TSPEAR: variants seen among roughly 807,000 people sequenced by gnomAD.
The protein encoded by TSPEAR is thrombospondin-type laminin G domain and EAR repeat-containing protein.
TSPEAR carries 69 observed loss-of-function variants against 71.6 expected under a neutral mutation model. The ratio of observed to expected loss-of-function variants is 0.96; its 90% CI spans 0.79 to 1.18. TSPEAR has a LOEUF of 1.18. TSPEAR is among the 50% of genes most tolerant of loss of function. The pLI is 0.00. For synonymous variants in TSPEAR, 402 were observed against 387.2 expected, an observed-to-expected ratio of 1.04 and a Z score of -0.45; for missense variants, 971 against 894.9, an observed-to-expected ratio of 1.09 and a Z score of -1.09.
rs139455627 is a variant in TSPEAR, at chr21:44,531,087, G to A, written c.589C>T (p.Arg197Ter). The A allele has an allele frequency of 5.7e-4, 912 of 1,613,608 alleles. 1 individual carries two copies. Among genetic ancestry groups the A allele is most frequent in the Non-Finnish European group, 7.3e-4 (865 of 1,179,964 alleles). The part of the protein sequence containing the change: ...FPATLSVKGA[R>*]FFVGSRRRAK... ...CTCCTCCGGCTGCCGACGAAGAATC[G>A]AGCTCCTTTCACTGACAGGGTGGCT... The change falls in exon 4 of 12, where the codon CGA (arginine) becomes TGA (stop). Residue 197 changes from arginine (R) to a stop codon, truncating the protein, a stop_gained. Transcript: ENST00000323084. LOFTEE classifies it high-confidence loss of function.
chr21:44,531,346 G>A (rs1555915750), intron 3 of TSPEAR, among the ~76,000 whole-genome samples: 1 of 152,206 alleles, frequency 6.6e-6, no homozygotes, highest in African/African-American at 2.4e-5. Context: ...GGCTCCAGAG[G>A]AGGACGCTTC....
At chr21:44,587,318 A>G (rs782536175) in intron 1 of TSPEAR, among the ~76,000 whole-genome samples, 1 of 152,252 alleles carries the variant, frequency 6.6e-6, no homozygotes, top group Non-Finnish European at 1.5e-5. Flanking sequence ...ATACTCAGGA[A>G]TATACCTACC....
intron 1 of TSPEAR, among the ~76,000 whole-genome samples, chr21:44,632,397 ATTCT>A (rs1451106243): frequency 3.3e-5 from 5 of 152,224 alleles, no homozygotes; most frequent in Admixed American, 3.3e-4. Flanking sequence ...CAATGAAATG[ATTCT>A]TTGAAACTAA....
At chr21:44,686,992 C>A (rs1344232922) in intron 1 of TSPEAR, among the ~76,000 whole-genome samples, 1 of 152,164 alleles carries the variant, frequency 6.6e-6, no homozygotes, top group Non-Finnish European at 1.5e-5. Flanking sequence ...AAAGCTGTGG[C>A]TGAAGCTGCT....
chr21:44,620,946 TTA>T (rs1555933398), intron 1 of TSPEAR, among the ~76,000 whole-genome samples: 8 of 152,260 alleles, frequency 5.3e-5, no homozygotes, highest in Non-Finnish European at 1.0e-4. Flanking sequence ...TGCTATTAGG[TTA>T]CACATATTTG....
At chr21:44,573,739 C>G (rs782550283) in intron 1 of TSPEAR, 2 of 1,607,430 alleles carry the variant, frequency 1.2e-6, no homozygotes, top group African/African-American at 1.3e-5. Context: ...AGCTCAACCC[C>G]CAGCACAGCA....
At chr21:44,690,421 C>T in intron 1 of TSPEAR, 1 of 349,990 alleles carries the variant, frequency 2.9e-6, no homozygotes, top group Non-Finnish European at 4.0e-6. Flanking sequence ...TCAAAGATAA[C>T]AAGTGGTTCC....
rs1305317200 is a variant in TSPEAR at position 44,623,472 on chromosome 21, ATACAG to A, written c.83-55472_83-55468del. Among the ~76,000 whole-genome samples the A allele has an allele frequency of 1.3e-5, 2 of 152,236 alleles. No homozygotes were observed. The highest frequency in any genetic ancestry group is 4.8e-5 in the African/African-American group (2 of 41,462). On this transcript the variant is annotated intron_variant, in intron 1 of 11. Coordinates refer to ENST00000323084, the MANE Select transcript of TSPEAR (RefSeq NM_144991.3). The surrounding 1 kb of genome is among the most constrained non-coding windows in gnomAD (Gnocchi z 4.5). ...TATTTTACAACTTCTAAGACATCTT[ATACAG>A]TAAATATTCATTTAGATTTCCCCAT... is the stretch of plus-strand genomic sequence containing the variant.
chr21:44,601,907 C>T (rs1555928951), intron 1 of TSPEAR: 3 of 952,380 alleles, frequency 3.1e-6, no homozygotes, highest in African/African-American at 3.3e-5. Context: ...GCTGTTTCTC[C>T]AAGTCTTGAC....
chr21:44,527,241 G>C (rs369874992), intron 7 of TSPEAR, 51 bp downstream of exon 7: 1 of 1,602,050 alleles, frequency 6.2e-7, no homozygotes. Flanking sequence ...CTGTGGACTC[G>C]GGGCTTTCCA....
intron 10 of TSPEAR, among the ~76,000 whole-genome samples, chr21:44,507,644 T>G (rs2052234648): frequency 6.6e-6 from 1 of 152,264 alleles, no homozygotes; most frequent in African/African-American, 2.4e-5. Context: ...TCCCGCAGCT[T>G]TCAAATCCCG....
intron 1 of TSPEAR, chr21:44,591,830 A>C (rs2146124653): frequency 6.3e-7 from 1 of 1,598,464 alleles, no homozygotes; most frequent in East Asian, 2.3e-5. Flanking sequence ...GAGGAGGTGC[A>C]GCAAGTTGGC....
intron 1 of TSPEAR, among the ~76,000 whole-genome samples, chr21:44,615,155 C>T (rs995067284): frequency 1.3e-5 from 2 of 152,224 alleles, no homozygotes; most frequent in Non-Finnish European, 2.9e-5. Flanking sequence ...AAATCTCCGG[C>T]GCATGTACGT....
At position 44,580,041 on chromosome 21, in the gene TSPEAR, G is replaced by C. The variant is rs200308208; in HGVS notation, c.83-12036C>G. On this transcript the variant is annotated intron_variant, in intron 1 of 11. Coordinates refer to ENST00000323084, the MANE Select transcript of TSPEAR (RefSeq NM_144991.3). ...CAGCAGATGGGTTTGCAGCAGACAG[G>C]CTTGCAACAGACAGGCACGTAGCAG... 138 of 1,594,452 alleles carry C rather than the reference G, an allele frequency of 8.7e-5. No homozygotes were observed. The African/African-American group carries it at 1.3e-3, about 15-fold the overall frequency.
chr21:44,597,487 C>T (rs1275359162), intron 1 of TSPEAR, among the ~76,000 whole-genome samples: 1 of 149,250 alleles, frequency 6.7e-6, no homozygotes, highest in Non-Finnish European at 1.5e-5. Flanking sequence ...GGCTGGAGGG[C>T]AGTGGTGCGA....
At chr21:44,685,627 G>A (rs527972456) in intron 1 of TSPEAR, among the ~76,000 whole-genome samples, 4 of 152,292 alleles carry the variant, frequency 2.6e-5, no homozygotes, top group South Asian at 2.1e-4. Context: ...GTGGTCACAC[G>A]CCTGAGCCAT....
intron 8 of TSPEAR, among the ~76,000 whole-genome samples, chr21:44,525,012 C>G (rs944851613): frequency 2.0e-5 from 3 of 151,354 alleles, no homozygotes; most frequent in Non-Finnish European, 4.4e-5. Context: ...GCCAGCCAGC[C>G]AGTCAGATAG....
At chr21:44,675,367 A>C (rs782211160) in intron 1 of TSPEAR, among the ~76,000 whole-genome samples, 1 of 152,232 alleles carries the variant, frequency 6.6e-6, no homozygotes, top group African/African-American at 2.4e-5. Flanking sequence ...ATTTGACAAA[A>C]TTCAATATCC....
intron 1 of TSPEAR, chr21:44,580,649 G>A: frequency 6.8e-7 from 1 of 1,477,988 alleles, no homozygotes; most frequent in Non-Finnish European, 9.2e-7. Context: ...GTGAGTGAAG[G>A]AGGGAGTGAG....
Sources: gnomAD v4.1 joint callset for allele counts (sites outside exome capture counted in the v4.1 genomes callset) on GRCh38, gnomAD v4.1.1 for gene constraint, Gnocchi (gnomAD v3.1) non-coding constraint, MANE v1.5 for transcripts, NCBI Gene and HGNC (gene_info 2026-07-23, HGNC 2026-07-21) for gene names.